Variants in AGO3 observed in about 807,000 individuals in gnomAD.
AGO3 encodes argonaute RISC catalytic component 3.
A neutral mutation model predicts 105.5 loss-of-function variants in AGO3; 16 were observed. The ratio of observed to expected loss-of-function variants is 0.15; its 90% CI spans 0.10 to 0.23. The LOEUF (loss-of-function observed/expected upper bound fraction) is 0.23, where lower values mean the gene tolerates loss of function less well. Ranked by LOEUF, AGO3 falls within the 10% of genes least tolerant of loss-of-function variation. AGO3 has a pLI of 1.00. For missense variants in AGO3, 534 were observed against 1,088.0 expected, an observed-to-expected ratio of 0.49 and a Z score of 7.16; for synonymous variants, 340 against 367.3, an observed-to-expected ratio of 0.93 and a Z score of 0.85.
intron 5 of AGO3, among the ~76,000 whole-genome samples, chr1:36,001,039 C>T (rs1036434165): frequency 1.3e-5 from 2 of 152,012 alleles, no homozygotes; most frequent in African/African-American, 4.8e-5. Context: ...AGTTTGAGAC[C>T]AGCCTGGCCA....
intron 17 of AGO3, among the ~76,000 whole-genome samples, chr1:36,052,069 A>G (rs780988801): frequency 1.3e-5 from 2 of 152,210 alleles, no homozygotes; most frequent in Non-Finnish European, 2.9e-5. Flanking sequence ...TACTGAGTAT[A>G]TATGCAAAGG....
chr1:35,950,595 C>T (rs1557647197), intron 2 of AGO3, among the ~76,000 whole-genome samples: 1 of 152,034 alleles, frequency 6.6e-6, no homozygotes, highest in East Asian at 1.9e-4. Context: ...TCTTTTCCCC[C>T]TATTAAATGA....
rs545297748 is a variant in AGO3, at chr1:36,070,749, G to A, written c.*15004G>A. On this transcript the variant is annotated 3_prime_UTR_variant, in exon 19 of 19. Coordinates refer to ENST00000373191, the MANE Select transcript of AGO3 (RefSeq NM_024852.4). ...TGAAAAGTTGGGGAGATTCATGTTT[G>A]AAAAATGAAAAATGAACAAAAAATC... The A allele has an allele frequency of 6.6e-6, 1 of 152,230 alleles. No individual in the cohort carries two copies. The highest frequency in any genetic ancestry group is 1.9e-4 in the East Asian group (1 of 5,188). 9.4% of individuals were successfully genotyped at this position (152,230 alleles called of 1,614,324 possible).
intron 2 of AGO3, among the ~76,000 whole-genome samples, chr1:35,964,759 C>A (rs1557654696): frequency 6.6e-6 from 1 of 152,144 alleles, no homozygotes; most frequent in African/African-American, 2.4e-5. Flanking sequence ...TATAAACATT[C>A]CATTTTCTCC....
intron 17 of AGO3, among the ~76,000 whole-genome samples, chr1:36,053,906 G>A (rs990762889): frequency 3.3e-5 from 5 of 151,584 alleles, no homozygotes; most frequent in Non-Finnish European, 2.9e-5. Flanking sequence ...GCATCACCAC[G>A]CCTAGCTAAT....
chr1:36,052,971 TA>T (rs1256927594), intron 17 of AGO3, among the ~76,000 whole-genome samples: 1 of 152,096 alleles, frequency 6.6e-6, no homozygotes, highest in Non-Finnish European at 1.5e-5. Context: ...TCTAAATAAA[TA>T]AATAAATAAA....
chr1:35,971,156 ATTTAT>A (rs1458287068), intron 3 of AGO3, among the ~76,000 whole-genome samples: 1 of 138,946 alleles, frequency 7.2e-6, no homozygotes, highest in Non-Finnish European at 1.5e-5. Context: ...TATAATATAT[ATTTAT>A]TTTATTTATT....
chr1:35,931,201 C>G lies in AGO3; in HGVS notation c.-226C>G. ...CGGACGGGACTCCCCTCTGTCCGCG[C>G]CTCACATCTCCCCTTCCTCTCGCCT... On this transcript the variant is annotated 5_prime_UTR_variant, in exon 1 of 19. Transcript: ENST00000373191. 1 of 403,920 alleles carries G rather than the reference C, an allele frequency of 2.5e-6. No individual in the cohort carries two copies. The highest frequency in any genetic ancestry group is 4.4e-6 in the Non-Finnish European group (1 of 227,956). 25.0% of individuals were successfully genotyped at this position (403,920 alleles called of 1,614,324 possible).
chr1:35,998,297 A>C (rs1230361876), intron 5 of AGO3, among the ~76,000 whole-genome samples: 1 of 152,178 alleles, frequency 6.6e-6, no homozygotes, highest in Non-Finnish European at 1.5e-5. Context: ...ATATCCAAAT[A>C]TGTTGACACA....
chr1:36,046,457 C>T (rs544654747), intron 17 of AGO3, among the ~76,000 whole-genome samples: 11 of 151,712 alleles, frequency 7.3e-5, no homozygotes, highest in Non-Finnish European at 1.3e-4. Context: ...TTCGGGAGGC[C>T]GAGGCGGGCA....
rs559259560 is a variant in AGO3, at chr1:35,971,884, C to G, written c.313-140C>G. The G allele has an allele frequency of 7.8e-6, 6 of 773,296 alleles. No homozygotes were observed. The East Asian group carries it at 8.1e-5, about 10-fold the overall frequency. The allele number at this position is 773,296 out of a possible 1,614,324, so 47.9% of individuals were successfully genotyped here. A position where few individuals can be genotyped will look rare whatever the true frequency, so the allele number is the denominator to read the frequency against. On this transcript the variant is annotated intron_variant, in intron 3 of 18. Transcript: ENST00000373191. ...AGTAACTATGTTATTTAAATTTTATCTACAAAAAAAAATGGTATATTTTAG... is the reference window on the plus strand; with the variant it reads ...AGTAACTATGTTATTTAAATTTTATGTACAAAAAAAAATGGTATATTTTAG...
intron 16 of AGO3, chr1:36,043,140 G>A (rs1642318660): frequency 8.7e-6 from 2 of 229,202 alleles, no homozygotes; most frequent in Non-Finnish European, 1.7e-5. Context: ...CCATAAATTG[G>A]AGCACTTTAA....
chr1:36,037,347 C>T (rs968474215), intron 14 of AGO3, among the ~76,000 whole-genome samples: 1 of 151,942 alleles, frequency 6.6e-6, no homozygotes, highest in Non-Finnish European at 1.5e-5. Context: ...CATGGTGAAA[C>T]CCCATCTGTA....
At chr1:35,949,135 G>C (rs986401599) in intron 2 of AGO3, among the ~76,000 whole-genome samples, 2 of 152,074 alleles carry the variant, frequency 1.3e-5, no homozygotes, top group Non-Finnish European at 2.9e-5. Flanking sequence ...TAGAGATGAG[G>C]TTTCTCCATG....
chr1:36,013,234 C>T (rs1429780679), intron 9 of AGO3, among the ~76,000 whole-genome samples: 1 of 152,078 alleles, frequency 6.6e-6, no homozygotes, highest in Non-Finnish European at 1.5e-5. Flanking sequence ...CCACCACGCC[C>T]AGCCTAATTT....
At position 36,042,455 on chromosome 1, in the gene AGO3, G is replaced by A. The variant is rs77683883; in HGVS notation, c.2173-992G>A. 6.7e-3 allele frequency among the ~76,000 whole-genome samples: 1,025 copies of A among 152,260 alleles called. 8 individuals carry two copies. The highest frequency in any genetic ancestry group is 0.023 in the African/African-American group (973 of 41,546). The stretch of plus-strand genomic sequence containing the variant: ...TTTATTAGAGTTAAGTATTTTTTTA[G>A]GACCAGGCATAATTTAGTAGATTAT... On this transcript the variant is annotated intron_variant, in intron 16 of 18. Transcript: ENST00000373191.
chr1:35,992,408 C>T (rs1361744614), intron 5 of AGO3: 1 of 152,250 alleles, frequency 6.6e-6, no homozygotes, highest in Non-Finnish European at 1.5e-5. Context: ...CTTTATTTTT[C>T]TGCATCACTC....
intron 2 of AGO3, among the ~76,000 whole-genome samples, chr1:35,952,148 CT>C (rs869309731): frequency 7.8e-4 from 14 of 18,060 alleles, no homozygotes; most frequent in Non-Finnish European, 1.7e-3. Context: ...TTCTTTCTTT[CT>C]TTTTTTTTTT....
chr1:36,063,237 G>A lies in AGO3; in HGVS notation c.*7492G>A, dbSNP rs768740718. 4 of 152,142 alleles carry A rather than the reference G, an allele frequency of 2.6e-5. No individual in the cohort carries two copies. The highest frequency in any genetic ancestry group is 6.5e-5 in the Admixed American group (1 of 15,272). 9.4% of individuals were successfully genotyped at this position (152,142 alleles called of 1,614,324 possible). A position where few individuals can be genotyped will look rare whatever the true frequency, so the allele number is the denominator to read the frequency against. On this transcript the variant is annotated 3_prime_UTR_variant, in exon 19 of 19. Transcript: ENST00000373191. Reference sequence around the variant, plus strand: ...GACAGATTTCTACATGTGGAGGGGAGGTGGGGCTTTCCTGTAAGTTTGATC... The same window carrying A: ...GACAGATTTCTACATGTGGAGGGGAAGTGGGGCTTTCCTGTAAGTTTGATC...
Sources: gnomAD v4.1 joint callset for allele counts (sites outside exome capture counted in the v4.1 genomes callset) on GRCh38, gnomAD v4.1.1 for gene constraint, MANE v1.5 for transcripts, NCBI Gene and HGNC (gene_info 2026-07-23, HGNC 2026-07-21) for gene names.